Variants in ALK observed in about 807,000 individuals in gnomAD.
The protein encoded by ALK is ALK receptor tyrosine kinase, also known as ALK tyrosine kinase receptor.
In ALK, 74 loss-of-function variants were observed where a neutral mutation model predicts 163.1. The observed-to-expected ratio is 0.45, with a 90% CI of 0.38 to 0.55. The LOEUF (loss-of-function observed/expected upper bound fraction) is 0.55. Ranked by LOEUF, ALK falls within the 20% of genes least tolerant of loss-of-function variation. ALK has a pLI of 0.00. For synonymous variants in ALK, 960 were observed against 843.2 expected (o/e 1.14, Z -2.40); for missense variants, 2,063 against 2,105.3 (o/e 0.98, Z 0.39).
intron 4 of ALK, among the ~76,000 whole-genome samples, chr2:29,454,860 T>A (rs929877759): frequency 5.9e-5 from 9 of 152,162 alleles, no homozygotes; most frequent in Non-Finnish European, 1.3e-4. Flanking sequence ...ACTATTAAAG[T>A]TATATACTAT....
intron 4 of ALK, among the ~76,000 whole-genome samples, chr2:29,486,684 C>G (rs954525260): frequency 6.6e-6 from 1 of 152,102 alleles, no homozygotes; most frequent in African/African-American, 2.4e-5. Context: ...AAACAAGAAG[C>G]AAATACCTTC....
intron 27 of ALK, among the ~76,000 whole-genome samples, chr2:29,197,219 T>C (rs1669044611): frequency 6.6e-6 from 1 of 152,112 alleles, no homozygotes; most frequent in Admixed American, 6.5e-5. Context: ...ATCTTTAAAG[T>C]AGACACAGAC....
intron 1 of ALK, among the ~76,000 whole-genome samples, chr2:29,763,086 C>CA (rs1034835014): frequency 0.017 from 899 of 52,372 alleles, 8 homozygotes; most frequent in East Asian, 0.032. Context: ...GACTCCATCT[C>CA]AAAAAAAAAA....
intron 4 of ALK, among the ~76,000 whole-genome samples, chr2:29,445,699 G>A (rs1407506152): frequency 6.6e-6 from 1 of 152,196 alleles, no homozygotes; most frequent in African/African-American, 2.4e-5. Flanking sequence ...GCAGATGCCT[G>A]TAGTCCCAGT....
At chr2:29,479,819 A>G (rs967261201) in intron 4 of ALK, among the ~76,000 whole-genome samples, 2 of 152,162 alleles carry the variant, frequency 1.3e-5, no homozygotes, top group African/African-American at 2.4e-5. Flanking sequence ...CAAAATTAGG[A>G]AGATCTGGAA....
At chr2:29,852,360 C>A (rs920674675) in intron 1 of ALK, among the ~76,000 whole-genome samples, 3 of 152,130 alleles carry the variant, frequency 2.0e-5, no homozygotes, top group Non-Finnish European at 4.4e-5. Flanking sequence ...CTCCTTAACC[C>A]CTTCAGACTC....
intron 24 of ALK, 26 bp downstream of exon 24, chr2:29,213,957 AG>A: frequency 6.3e-7 from 1 of 1,585,242 alleles, no homozygotes; most frequent in Non-Finnish European, 8.7e-7. Flanking sequence ...ACAGGATGAC[AG>A]GAAGAGCACA....
chr2:29,297,326 G>A (rs1000116528), intron 8 of ALK, among the ~76,000 whole-genome samples: 1 of 152,158 alleles, frequency 6.6e-6, no homozygotes, highest in African/African-American at 2.4e-5. Context: ...TCAGGTTGAT[G>A]TTATCATCCT....
At chr2:29,575,921 C>G (rs951409377) in intron 3 of ALK, among the ~76,000 whole-genome samples, 1 of 152,170 alleles carries the variant, frequency 6.6e-6, no homozygotes, top group African/African-American at 2.4e-5. Context: ...AAGGCATATT[C>G]TGAACACCAG....
chr2:29,577,519 A>T (rs1674557537), intron 3 of ALK, among the ~76,000 whole-genome samples: 1 of 152,174 alleles, frequency 6.6e-6, no homozygotes, highest in African/African-American at 2.4e-5. Flanking sequence ...GGGACCGGTA[A>T]GTCTACACGG....
intron 1 of ALK, among the ~76,000 whole-genome samples, chr2:29,841,296 TG>T (rs1665692462): frequency 6.6e-6 from 1 of 152,166 alleles, no homozygotes; most frequent in African/African-American, 2.4e-5. Flanking sequence ...AACATGCAAG[TG>T]TTTTATAAAG....
At chr2:29,815,191 T>C (rs1664865430) in intron 1 of ALK, among the ~76,000 whole-genome samples, 1 of 151,564 alleles carries the variant, frequency 6.6e-6, no homozygotes, top group Admixed American at 6.6e-5. Flanking sequence ...ATTGGATAAG[T>C]TCTTAGGCTT....
At chr2:29,825,804 T>A (rs1253247186) in intron 1 of ALK, among the ~76,000 whole-genome samples, 1 of 152,062 alleles carries the variant, frequency 6.6e-6, no homozygotes, top group Non-Finnish European at 1.5e-5. Context: ...GCAGAGATGA[T>A]CTGAACTTGG....
chr2:29,816,235 A>G (rs528090629), intron 1 of ALK, among the ~76,000 whole-genome samples: 1 of 152,334 alleles, frequency 6.6e-6, no homozygotes, highest in Non-Finnish European at 1.5e-5. Flanking sequence ...CAGGAATAAC[A>G]GGGACATTTG....
chr2:29,307,651 A>C (rs1231061573), intron 8 of ALK, among the ~76,000 whole-genome samples: 1 of 152,228 alleles, frequency 6.6e-6, no homozygotes, highest in African/African-American at 2.4e-5. Flanking sequence ...ACTCACTGCA[A>C]AATCCAGTGT....
intron 1 of ALK, among the ~76,000 whole-genome samples, chr2:29,877,507 C>T (rs1051758952): frequency 2.0e-5 from 3 of 152,184 alleles, no homozygotes; most frequent in Non-Finnish European, 4.4e-5. Context: ...AAACTTTTTT[C>T]TGTTTGGTTC....
chr2:29,727,643 T>A (rs1005608769), intron 1 of ALK, among the ~76,000 whole-genome samples: 8 of 152,226 alleles, frequency 5.3e-5, no homozygotes, highest in African/African-American at 1.9e-4. Flanking sequence ...GAAATCCTTG[T>A]GCTTTTACTA....
At chr2:29,363,259 T>G (rs1301948475) in intron 5 of ALK, among the ~76,000 whole-genome samples, 2 of 152,228 alleles carry the variant, frequency 1.3e-5, no homozygotes, top group Non-Finnish European at 2.9e-5. Context: ...TGGGAATGTC[T>G]CTTCTCTGGA....
chr2:29,273,376 G>C (rs1400271702), intron 11 of ALK, among the ~76,000 whole-genome samples: 1 of 152,240 alleles, frequency 6.6e-6, no homozygotes, highest in Non-Finnish European at 1.5e-5. Flanking sequence ...TCTCAGTGGG[G>C]AGACTTGTGT....
Sources: allele counts gnomAD v4.1 joint callset (sites outside exome capture counted in the v4.1 genomes callset), GRCh38; gene constraint gnomAD v4.1.1; transcripts MANE v1.5; gene names NCBI Gene and HGNC (gene_info 2026-07-23, HGNC 2026-07-21).